Variants in GCNT2 observed in about 807,000 individuals in gnomAD.
The protein encoded by GCNT2 is glucosaminyl (N-acetyl) transferase 2 (I blood group).
In GCNT2, 34 loss-of-function variants were observed where a neutral mutation model predicts 34.2. That is an observed-to-expected ratio of 1.00 (90% CI 0.76 to 1.32). The LOEUF is 1.32. GCNT2 is among the 40% of genes most tolerant of loss of function. The pLI is 0.00. For synonymous variants in GCNT2, 212 were observed against 188.0 expected (o/e 1.13, Z -1.04); for missense variants, 584 against 489.4 (o/e 1.19, Z -1.82).
chr6:10,593,000 C>T (rs1764715588), intron 3 of GCNT2, among the ~76,000 whole-genome samples: 1 of 152,170 alleles, frequency 6.6e-6, no homozygotes, highest in African/African-American at 2.4e-5. Context: ...CTCAGGGTCC[C>T]AAAGTGTTGG....
At chr6:10,612,026 G>A (rs761208394) in intron 3 of GCNT2, among the ~76,000 whole-genome samples, 16 of 151,580 alleles carry the variant, frequency 1.1e-4, no homozygotes, top group Non-Finnish European at 1.3e-4. Context: ...TCACTCTGTT[G>A]CCCAGGCTGA....
intron 3 of GCNT2, among the ~76,000 whole-genome samples, chr6:10,539,988 G>A (rs1761963664): frequency 6.6e-6 from 1 of 152,132 alleles, no homozygotes; most frequent in Non-Finnish European, 1.5e-5. Flanking sequence ...TGAAGCAGGA[G>A]GATCGCTTGA....
chr6:10,567,995 C>G (rs765712900), intron 3 of GCNT2, among the ~76,000 whole-genome samples: 3 of 152,180 alleles, frequency 2.0e-5, no homozygotes, highest in Non-Finnish European at 4.4e-5. Context: ...TGAGACTTAG[C>G]TATCGGTGGA....
In GCNT2 at chr6:10,569,824, T is replaced by TCTTCCTTC. The variant is rs70991027; in HGVS notation, c.925+40004_925+40011dup. On this transcript the variant is annotated intron_variant, in intron 3 of 4. Coordinates refer to ENST00000495262, the MANE Select transcript of GCNT2 (RefSeq NM_145649.5). ...CTTACCCTCTGAGCTCATATGGATT[T>TCTTCCTTC]CTTCCTTCCTTCCTTCCTTCCTTTC... 2.1e-3 allele frequency among the ~76,000 whole-genome samples: 320 copies of TCTTCCTTC among 149,168 alleles called. 1 individual carries two copies. Among genetic ancestry groups the TCTTCCTTC allele is most frequent in the East Asian group, 9.7e-3 (49 of 5,054 alleles).
Position 10,528,860 on chromosome 6 carries a change from C to T in GCNT2, c.-52C>T. The stretch of plus-strand genomic sequence containing the variant: ...AGAAAATGTAAGTTAAATATATCTA[C>T]ACTCTGATCCTATCTCAAGAGAGAG... On this transcript the variant is annotated 5_prime_UTR_variant, in exon 3 of 5. Transcript: ENST00000495262. 1 of 1,373,114 alleles carries T rather than the reference C, an allele frequency of 7.3e-7. No homozygotes were observed. The highest frequency in any genetic ancestry group is 1.2e-5 in the South Asian group (1 of 86,320). The allele number at this position is 1,373,114 out of a possible 1,614,324, so 85.1% of individuals were successfully genotyped here.
At chr6:10,594,782 T>C (rs1253901963) in intron 3 of GCNT2, among the ~76,000 whole-genome samples, 1 of 152,092 alleles carries the variant, frequency 6.6e-6, no homozygotes, top group East Asian at 1.9e-4. Flanking sequence ...AAACTAGATG[T>C]AGATGTACCC....
chr6:10,576,229 A>T (rs982452252), intron 3 of GCNT2, among the ~76,000 whole-genome samples: 14 of 152,202 alleles, frequency 9.2e-5, no homozygotes, highest in African/African-American at 2.9e-4. Context: ...GAAGAGTTGT[A>T]GGAAATTCAG....
Position 10,559,600 on chromosome 6 carries a change from G to A in GCNT2, c.925+29764G>A, listed in dbSNP as rs1256334825. Among the ~76,000 whole-genome samples the A allele has an allele frequency of 2.0e-5, 3 of 152,344 alleles. No individual in the cohort carries two copies. The East Asian group carries it at 5.8e-4, about 29-fold the overall frequency. On this transcript the variant is annotated intron_variant, in intron 3 of 4. Coordinates refer to ENST00000495262, the MANE Select transcript of GCNT2 (RefSeq NM_145649.5). ...CACGCTGCTAGTGGGAATCTATAGA[G>A]AGAAAGGCAGAAGGGCTGGTGAGCC...
intron 3 of GCNT2, among the ~76,000 whole-genome samples, chr6:10,573,995 G>A (rs1763673220): frequency 6.6e-6 from 1 of 152,198 alleles, no homozygotes; most frequent in Non-Finnish European, 1.5e-5. Context: ...GCCAGGTTTG[G>A]CAACAGAGAG....
At chr6:10,603,320 A>G (rs1185541624) in intron 3 of GCNT2, among the ~76,000 whole-genome samples, 15 of 152,186 alleles carry the variant, frequency 9.9e-5, no homozygotes, top group Admixed American at 9.8e-4. Flanking sequence ...ATAAGCTCAC[A>G]TGGAAGTATT....
chr6:10,556,533 A>G, intron 3 of GCNT2: 3 of 1,614,012 alleles, frequency 1.9e-6, no homozygotes, highest in Non-Finnish European at 2.5e-6. Context: ...CAAAGGCTAA[A>G]TATCTCAGAC....
At chr6:10,531,712 G>A (rs1761498511) in intron 3 of GCNT2, among the ~76,000 whole-genome samples, 1 of 152,144 alleles carries the variant, frequency 6.6e-6, no homozygotes, top group Non-Finnish European at 1.5e-5. Flanking sequence ...TGTTTAAATA[G>A]AATTGTAGTG....
intron 1 of GCNT2, among the ~76,000 whole-genome samples, chr6:10,523,676 G>C (rs1007598101): frequency 6.6e-6 from 1 of 151,702 alleles, no homozygotes; most frequent in Non-Finnish European, 1.5e-5. Flanking sequence ...CTTGACTCTA[G>C]ACTTGAAAAA....
chr6:10,562,630 T>C (rs1581409742), intron 3 of GCNT2, among the ~76,000 whole-genome samples: 1 of 118,702 alleles, frequency 8.4e-6, no homozygotes, highest in African/African-American at 3.3e-5. Context: ...GGCAGAAGGA[T>C]CACTTGACAG....
rs1761323880 is a variant in GCNT2 at position 10,528,830 on chromosome 6, C to G, written c.-82C>G. On this transcript the variant is annotated 5_prime_UTR_variant, in exon 3 of 5. Transcript: ENST00000495262. ...AGCCATCACGAGGATGATTTCGGAA[C>G]CTGGAGAAAATGTAAGTTAAATATA... 2 of 1,156,134 alleles carry G rather than the reference C, an allele frequency of 1.7e-6. No individual in the cohort carries two copies. Among genetic ancestry groups the G allele is most frequent in the Non-Finnish European group, 2.6e-6 (2 of 768,002 alleles). The allele number at this position is 1,156,134 out of a possible 1,614,324, so 71.6% of individuals were successfully genotyped here.
At position 10,621,331 on chromosome 6, in the gene GCNT2, CTTCT is replaced by C; in HGVS notation, c.926-17_926-14del. On this transcript the variant is annotated splice_polypyrimidine_tract_variant and intron_variant, in intron 3 of 4. Transcript: ENST00000495262. ...TCTCATGACTCTCATCTCTACGCTT[CTTCT>C]TTATCAACATTGCAGGTGTTCCTGG... The C allele has an allele frequency of 6.6e-7, 1 of 1,523,322 alleles. No homozygotes were observed. The highest frequency in any genetic ancestry group is 9.1e-7 in the Non-Finnish European group (1 of 1,099,040). 94.4% of individuals were successfully genotyped at this position (1,523,322 alleles called of 1,614,324 possible).
At chr6:10,554,500 A>ACAGACTCT (rs1762608327) in intron 3 of GCNT2, among the ~76,000 whole-genome samples, 3 of 152,326 alleles carry the variant, frequency 2.0e-5, no homozygotes, top group Admixed American at 2.0e-4. Context: ...AATAATGTAA[A>ACAGACTCT]CAGACTCTGT....
chr6:10,564,970 C>A (rs1053860696), intron 3 of GCNT2, among the ~76,000 whole-genome samples: 1 of 152,148 alleles, frequency 6.6e-6, no homozygotes, highest in African/African-American at 2.4e-5. Context: ...GAGGGAAATA[C>A]ACAGGGAGCA....
At chr6:10,595,302 G>A (rs972936325) in intron 3 of GCNT2, among the ~76,000 whole-genome samples, 1 of 151,252 alleles carries the variant, frequency 6.6e-6, no homozygotes, top group African/African-American at 2.4e-5. Flanking sequence ...TTTTTGAGAC[G>A]GAGTCTTGCT....
Sources: gnomAD v4.1 joint callset for allele counts (sites outside exome capture counted in the v4.1 genomes callset) on GRCh38, gnomAD v4.1.1 for gene constraint, MANE v1.5 for transcripts, NCBI Gene and HGNC (gene_info 2026-07-23, HGNC 2026-07-21) for gene names.